TTC7B: variants seen among roughly 807,000 people sequenced by gnomAD.
TTC7B encodes tetratricopeptide repeat domain 7B.
In TTC7B, 28 loss-of-function variants were observed where a neutral mutation model predicts 106.8. The observed-to-expected ratio is 0.26, with a 90% CI of 0.19 to 0.36. The LOEUF is 0.36. TTC7B is among the 10% of genes least tolerant of loss of function. The pLI is 1.00. For synonymous variants in TTC7B, 405 were observed against 430.6 expected, an observed-to-expected ratio of 0.94 and a Z score of 0.74; for missense variants, 862 against 1,076.4, an observed-to-expected ratio of 0.80 and a Z score of 2.79.
At position 90,808,130 on chromosome 14, in the gene TTC7B, T is replaced by C. The variant is rs1361477817; in HGVS notation, c.121+8045A>G. The stretch of plus-strand genomic sequence containing the variant: ...TAACTGAGATCTGTGTAAAAGTTCA[T>C]AGCCAGAATCTGGCACACAAGAGAG... On this transcript the variant is annotated intron_variant, in intron 1 of 19. Coordinates refer to ENST00000328459, the MANE Select transcript of TTC7B (RefSeq NM_001010854.2). The surrounding 1 kb of genome is among the most constrained non-coding windows in gnomAD (Gnocchi z 4.2). Among the ~76,000 whole-genome samples the C allele has an allele frequency of 6.6e-6, 1 of 152,208 alleles. No individual in the cohort carries two copies. The highest frequency in any genetic ancestry group is 2.4e-5 in the African/African-American group (1 of 41,442).
chr14:90,551,825 T>G (rs1372955656), intron 19 of TTC7B, among the ~76,000 whole-genome samples: 1 of 152,206 alleles, frequency 6.6e-6, no homozygotes, highest in Non-Finnish European at 1.5e-5. Context: ...TACAAGCATT[T>G]TGTGGGTGCA....
At chr14:90,668,435 AT>A (rs1461984153) in intron 9 of TTC7B, among the ~76,000 whole-genome samples, 1 of 152,064 alleles carries the variant, frequency 6.6e-6, no homozygotes, top group Non-Finnish European at 1.5e-5. Flanking sequence ...CCAGGGCTGA[AT>A]TTTTTTTACT....
chr14:90,767,602 A>T (rs1890732748), intron 3 of TTC7B, among the ~76,000 whole-genome samples: 1 of 152,332 alleles, frequency 6.6e-6, no homozygotes. Flanking sequence ...CAGATGCTAG[A>T]ACCTTCATAT....
At chr14:90,812,519 C>A (rs2030952649) in intron 1 of TTC7B, among the ~76,000 whole-genome samples, 1 of 152,152 alleles carries the variant, frequency 6.6e-6, no homozygotes, top group South Asian at 2.1e-4. Flanking sequence ...ACGTCTGAAG[C>A]CGGCCCAAGA....
intron 9 of TTC7B, among the ~76,000 whole-genome samples, chr14:90,660,415 A>G (rs1312600675): frequency 2.0e-5 from 3 of 149,816 alleles, no homozygotes; most frequent in East Asian, 1.9e-4. Flanking sequence ...AAAAAAAAAA[A>G]AAAAAAGAAA....
Position 90,600,444 on chromosome 14 carries a change from G to A in TTC7B, c.1967-6818C>T, listed in dbSNP as rs546003189. On this transcript the variant is annotated intron_variant, in intron 17 of 19. Transcript: ENST00000328459. This position sits in a 1 kb window ranked among gnomAD's most constrained non-coding sequence, Gnocchi z 4.3. ...CCAACCATGAGGGCTCCTGCTGTGG[G>A]TTCCTCTGATAAATAAATCACCTTG... 2.5e-4 allele frequency among the ~76,000 whole-genome samples: 38 copies of A among 152,312 alleles called. No homozygotes were observed. The highest frequency in any genetic ancestry group is 8.4e-4 in the African/African-American group (35 of 41,564).
At chr14:90,777,306 C>T (rs138851481) in intron 3 of TTC7B, among the ~76,000 whole-genome samples, 8 of 152,236 alleles carry the variant, frequency 5.3e-5, no homozygotes, top group African/African-American at 1.9e-4. Flanking sequence ...ACCTGGCACG[C>T]AGGAATCTCT....
At chr14:90,582,012 G>A (rs1891516222) in intron 18 of TTC7B, among the ~76,000 whole-genome samples, 1 of 152,168 alleles carries the variant, frequency 6.6e-6, no homozygotes, top group Admixed American at 6.5e-5. Flanking sequence ...CTGTGACCCT[G>A]ACAGATGTGA....
intron 15 of TTC7B, among the ~76,000 whole-genome samples, chr14:90,643,355 C>G (rs1205289604): frequency 1.3e-5 from 2 of 151,792 alleles, no homozygotes; most frequent in Non-Finnish European, 2.9e-5. Flanking sequence ...TTGCAGTGAG[C>G]CGAGACCATG....
chr14:90,704,373 A>T (rs184343514), intron 5 of TTC7B, among the ~76,000 whole-genome samples: 2 of 152,240 alleles, frequency 1.3e-5, no homozygotes, highest in African/African-American at 4.8e-5. Flanking sequence ...AGCTTTATAC[A>T]TGAGGAAACA....
chr14:90,552,897 C>T (rs1890146797), intron 19 of TTC7B, among the ~76,000 whole-genome samples: 1 of 152,242 alleles, frequency 6.6e-6, no homozygotes, highest in African/African-American at 2.4e-5. Context: ...TCACTCCCTT[C>T]AAGTTAGCCA....
rs1004732304 is a variant in TTC7B at position 90,575,957 on chromosome 14, C to G, written c.2310+2149G>C. On this transcript the variant is annotated intron_variant, in intron 19 of 19. Transcript: ENST00000328459. This position sits in a 1 kb window ranked among gnomAD's most constrained non-coding sequence, Gnocchi z 5.2. ...GCTCAGTCATTGCCGATGGACCCAGCAGGCGGGGCTCACCATGGCCCTAGT... is the reference window on the plus strand; with the variant it reads ...GCTCAGTCATTGCCGATGGACCCAGGAGGCGGGGCTCACCATGGCCCTAGT... 6.6e-6 allele frequency among the ~76,000 whole-genome samples: 1 copy of G among 152,112 alleles called. No individual in the cohort carries two copies. Among genetic ancestry groups the G allele is most frequent in the Non-Finnish European group, 1.5e-5 (1 of 68,032 alleles).
intron 1 of TTC7B, among the ~76,000 whole-genome samples, chr14:90,811,326 G>C (rs1035004422): frequency 6.6e-6 from 1 of 152,188 alleles, no homozygotes; most frequent in Non-Finnish European, 1.5e-5. Flanking sequence ...GGAGGAGTTG[G>C]GCTCCCAGGA....
Position 90,644,188 on chromosome 14 carries a change from A to G in TTC7B, c.1611T>C (p.Tyr537=), listed in dbSNP as rs371818400. 2.7e-5 allele frequency: 43 copies of G among 1,608,068 alleles called. No individual in the cohort carries two copies. The African/African-American group carries it at 5.1e-4, about 19-fold the overall frequency. ...ISRQIPEALG[Y]VRQALQLQGD... Reference sequence around the variant, plus strand: ...CTTGAAGCTGAAGAGCTTGGCGGACATACCCCAGAGCCTCTGGGATCTGGT... The same window carrying G: ...CTTGAAGCTGAAGAGCTTGGCGGACGTACCCCAGAGCCTCTGGGATCTGGT... Residue 537 remains tyrosine (Y), a synonymous_variant, in exon 15 of 20, where the codon TAT becomes TAC. Coordinates refer to ENST00000328459, the MANE Select transcript of TTC7B (RefSeq NM_001010854.2).
chr14:90,778,439 C>T (rs1034164105), intron 3 of TTC7B, among the ~76,000 whole-genome samples: 12 of 152,200 alleles, frequency 7.9e-5, no homozygotes, highest in African/African-American at 2.4e-4. Context: ...AATCCTAGGA[C>T]GTGGGCTCTG....
rs567119081 is a variant in TTC7B, at chr14:90,644,275, ACACACG to A, written c.1591-73_1591-68del. ...TGCACACGCACACACACACACACAC[ACACACG>A]CGCGAAAGAAGCCATCTTTTCAATG... On this transcript the variant is annotated intron_variant, in intron 14 of 19. Coordinates refer to ENST00000328459, the MANE Select transcript of TTC7B (RefSeq NM_001010854.2). 9,145 of 1,217,132 alleles carry A rather than the reference ACACACG, an allele frequency of 7.5e-3. 10 individuals are homozygous for A. The highest frequency in any genetic ancestry group is 0.016 in the East Asian group (535 of 32,434). 75.4% of individuals were successfully genotyped at this position (1,217,132 alleles called of 1,614,324 possible).
chr14:90,673,355 C>A (rs1412404809), intron 9 of TTC7B, among the ~76,000 whole-genome samples: 2 of 152,062 alleles, frequency 1.3e-5, no homozygotes, highest in African/African-American at 2.4e-5. Context: ...AAGGAGCATG[C>A]AGGACTATTG....
At chr14:90,591,409 TA>T (rs1891952582) in intron 18 of TTC7B, among the ~76,000 whole-genome samples, 2 of 152,170 alleles carry the variant, frequency 1.3e-5, no homozygotes, top group Non-Finnish European at 2.9e-5. Context: ...AATATTCTAA[TA>T]ATCAGCTACA....
intron 3 of TTC7B, among the ~76,000 whole-genome samples, chr14:90,767,839 A>T (rs917437470): frequency 6.6e-6 from 1 of 152,210 alleles, no homozygotes; most frequent in African/African-American, 2.4e-5. Context: ...GAGAGAAAGG[A>T]GCAGAGAGGA....
Sources: allele counts gnomAD v4.1 joint callset (sites outside exome capture counted in the v4.1 genomes callset), GRCh38; gene constraint gnomAD v4.1.1; non-coding constraint Gnocchi (gnomAD v3.1); transcripts MANE v1.5; gene names NCBI Gene and HGNC (gene_info 2026-07-23, HGNC 2026-07-21).